Variants in FRMD4B observed in about 807,000 individuals in gnomAD.
The protein encoded by FRMD4B is FERM domain containing 4B.
In FRMD4B, 74 loss-of-function variants were observed where a neutral mutation model predicts 141.5. The ratio of observed to expected loss-of-function variants is 0.52; its 90% CI spans 0.43 to 0.63. FRMD4B has a LOEUF of 0.63. Among genes scored for constraint, FRMD4B ranks in the 30% least tolerant of loss-of-function variants. FRMD4B has a pLI of 0.00. For missense variants in FRMD4B, 1,366 were observed against 1,253.4 expected (o/e 1.09, Z -1.36); for synonymous variants, 506 against 467.9 (o/e 1.08, Z -1.05).
chr3:69,235,477 G>A (rs1007630543), intron 7 of FRMD4B, among the ~76,000 whole-genome samples: 7 of 151,802 alleles, frequency 4.6e-5, no homozygotes, highest in African/African-American at 1.7e-4. Context: ...CTGGCTTTGA[G>A]GTGAAACCCT....
At chr3:69,368,278 A>G (rs757864723) in intron 1 of FRMD4B, among the ~76,000 whole-genome samples, 3 of 152,210 alleles carry the variant, frequency 2.0e-5, no homozygotes, top group Non-Finnish European at 4.4e-5. Flanking sequence ...GTGGGCCAGC[A>G]TTGGAACTCA....
At chr3:69,475,248 C>T (rs1015841285) in intron 1 of FRMD4B, among the ~76,000 whole-genome samples, 7 of 151,568 alleles carry the variant, frequency 4.6e-5, no homozygotes, top group Non-Finnish European at 8.8e-5. Flanking sequence ...GGTACATGTG[C>T]GAAATGTGCA....
intron 1 of FRMD4B, among the ~76,000 whole-genome samples, chr3:69,488,272 A>C (rs1349356835): frequency 6.6e-6 from 1 of 152,192 alleles, no homozygotes; most frequent in Non-Finnish European, 1.5e-5. Context: ...TTCATTTTAT[A>C]GCCAGAGAAA....
chr3:69,444,028 A>T (rs1464625456), intron 1 of FRMD4B, among the ~76,000 whole-genome samples: 1 of 152,062 alleles, frequency 6.6e-6, no homozygotes, highest in Non-Finnish European at 1.5e-5. Context: ...CATACCAGGG[A>T]CTCAGCTGGA....
At chr3:69,507,733 C>T (rs1362790348) in intron 1 of FRMD4B, among the ~76,000 whole-genome samples, 1 of 151,904 alleles carries the variant, frequency 6.6e-6, no homozygotes, top group African/African-American at 2.4e-5. Context: ...CAAAAATGGC[C>T]CAGGTTTGCA....
intron 9 of FRMD4B, among the ~76,000 whole-genome samples, chr3:69,221,321 G>A (rs1330842997): frequency 6.6e-6 from 1 of 152,088 alleles, no homozygotes; most frequent in Non-Finnish European, 1.5e-5. Context: ...CATTACAATG[G>A]CTTGTTGTTA....
rs371721004 is a variant in FRMD4B at position 69,224,686 on chromosome 3, C to T, written c.586G>A (p.Glu196Lys). Reference protein sequence around the residue: ...QEAKGDYTSDENARKDLKTLP... With the variant: ...QEAKGDYTSDKNARKDLKTLP... ...GTCTTTAAATCTTTCCTGGCATTTT[C>T]ATCACTAAAAAGAAATGGAATATGG... The change falls in exon 8 of 23, where the codon GAA (glutamate) becomes AAA (lysine). Residue 196 changes from glutamate (E) to lysine (K), a missense_variant. Coordinates refer to ENST00000398540, the MANE Select transcript of FRMD4B (RefSeq NM_015123.3). The T allele has an allele frequency of 5.8e-5, 87 of 1,512,246 alleles. No homozygotes were observed. The Middle Eastern group carries it at 8.4e-4, about 15-fold the overall frequency. 93.7% of individuals were successfully genotyped at this position (1,512,246 alleles called of 1,614,324 possible).
At chr3:69,245,355 T>G (rs113340269) in intron 7 of FRMD4B, among the ~76,000 whole-genome samples, 7,444 of 147,274 alleles carry the variant, frequency 0.051, 251 homozygotes, top group African/African-American at 0.098. Context: ...GTGTGTGTGT[T>G]TTTAGACAGA....
chr3:69,501,959 G>C (rs1268841987), intron 1 of FRMD4B, among the ~76,000 whole-genome samples: 6 of 152,092 alleles, frequency 3.9e-5, no homozygotes, highest in African/African-American at 1.4e-4. Flanking sequence ...AAATACCTAG[G>C]AATCCAACTT....
chr3:69,181,690 T>C lies in FRMD4B; in HGVS notation c.2060A>G (p.His687Arg). 3.1e-6 allele frequency: 5 copies of C among 1,611,938 alleles called. No individual in the cohort carries two copies. The highest frequency in any genetic ancestry group is 4.2e-6 in the Non-Finnish European group (5 of 1,178,756). Reference sequence around the variant, plus strand: ...CAGGCTTCCACTCCGCTGGCGGCAGTGCTGAGATGAAGATTCGGGTCTGAA... The same window carrying C: ...CAGGCTTCCACTCCGCTGGCGGCAGCGCTGAGATGAAGATTCGGGTCTGAA... Reference protein sequence around the residue: ...SHLEPESSSQHCRQRSGSLES... With the variant: ...SHLEPESSSQRCRQRSGSLES... The change falls in exon 21 of 23, where the codon CAC becomes CGC. Residue 687 changes from histidine to arginine, a missense_variant. Coordinates refer to ENST00000398540, the MANE Select transcript of FRMD4B (RefSeq NM_015123.3).
chr3:69,203,450 C>T (rs1330961040), intron 11 of FRMD4B, among the ~76,000 whole-genome samples: 1 of 151,814 alleles, frequency 6.6e-6, no homozygotes, highest in East Asian at 1.9e-4. Flanking sequence ...GTCATTTATC[C>T]ATTTCTTTTC....
intron 1 of FRMD4B, chr3:69,472,454 A>G (rs878970789): frequency 4.6e-6 from 2 of 438,132 alleles, no homozygotes; most frequent in Non-Finnish European, 9.0e-6. Context: ...CAAACGGAAG[A>G]CCAGCCAGTA....
At position 69,432,837 on chromosome 3, in the gene FRMD4B, A is replaced by C. The variant is rs560594074; in HGVS notation, c.-128-76T>G. 1.1e-4 allele frequency: 17 copies of C among 152,346 alleles called. No homozygotes were observed. In the South Asian group the frequency reaches 3.3e-3, roughly 30 times the overall value. 9.4% of individuals were successfully genotyped at this position (152,346 alleles called of 1,614,324 possible). A position where few individuals can be genotyped will look rare whatever the true frequency, so the allele number is the denominator to read the frequency against. ...AAACTATAAATCTCAAGTCAGTGACACTTCTAATTTATTTCTAATTTTCCC... is the reference window on the plus strand; with the variant it reads ...AAACTATAAATCTCAAGTCAGTGACCCTTCTAATTTATTTCTAATTTTCCC... On this transcript the variant is annotated intron_variant, in intron 1 of 5. Coordinates refer to the FRMD4B transcript ENST00000459638.
chr3:69,524,215 A>C (rs1373412244), intron 1 of FRMD4B, among the ~76,000 whole-genome samples: 1 of 152,220 alleles, frequency 6.6e-6, no homozygotes, highest in African/African-American at 2.4e-5. Context: ...AGTAACAGCC[A>C]TCTTTCACTG....
At position 69,423,094 on chromosome 3, in the gene FRMD4B, T is replaced by C. The variant is rs910546801; in HGVS notation, c.-1+9540A>G. On this transcript the variant is annotated intron_variant, in intron 2 of 5. Coordinates refer to the FRMD4B transcript ENST00000459638. ...TAGTCAGTCCTCATTATTTACAAAA[T>C]TCAAACTTGCCTACTGGTTAGAATT... Among the ~76,000 whole-genome samples the C allele has an allele frequency of 2.0e-5, 3 of 152,206 alleles. No individual in the cohort carries two copies. The East Asian group carries it at 5.8e-4, about 29-fold the overall frequency.
intron 1 of FRMD4B, among the ~76,000 whole-genome samples, chr3:69,367,554 TTTGTTTTTA>T (rs1226162963): frequency 2.7e-5 from 4 of 146,784 alleles, no homozygotes; most frequent in African/African-American, 7.9e-5. Flanking sequence ...GGCCAATATT[TTTGTTTTTA>T]CCCAAAAAAT....
At chr3:69,498,432 G>C (rs775902474) in intron 1 of FRMD4B, among the ~76,000 whole-genome samples, 1 of 152,186 alleles carries the variant, frequency 6.6e-6, no homozygotes, top group Non-Finnish European at 1.5e-5. Context: ...CTGCACGTGT[G>C]TGTGCATGAG....
intron 5 of FRMD4B, among the ~76,000 whole-genome samples, chr3:69,261,476 T>C (rs913375773): frequency 2.0e-5 from 3 of 152,218 alleles, no homozygotes; most frequent in Non-Finnish European, 2.9e-5. Flanking sequence ...TTTTAGCTAA[T>C]TTATTTCCAT....
At position 69,181,124 on chromosome 3, in the gene FRMD4B, G is replaced by C. The variant is rs1488765797; in HGVS notation, c.2626C>G (p.Pro876Ala). 6.2e-7 allele frequency: 1 copy of C among 1,613,840 alleles called. No homozygotes were observed. The highest frequency in any genetic ancestry group is 1.3e-5 in the African/African-American group (1 of 74,908). Residue 876 changes from proline (P) to alanine (A), a missense_variant, in exon 21 of 23, where the codon CCA becomes GCA. Pro to Ala is a conservative substitution (Grantham distance 27, BLOSUM62 -1). Transcript: ENST00000398540. ...TCCGATTTTGCAGCAGCCTTCCTTG[G>C]CAGCCGGAGAGTTGCATATGGGTTA... ...PHNPYATLRLPRKAAAKSEHI... is the reference protein window; with the variant it reads ...PHNPYATLRLARKAAAKSEHI...
Sources: allele counts gnomAD v4.1 joint callset (sites outside exome capture counted in the v4.1 genomes callset), GRCh38; gene constraint gnomAD v4.1.1; transcripts MANE v1.5; gene names NCBI Gene and HGNC (gene_info 2026-07-23, HGNC 2026-07-21).